The following KANSL3 variants were observed in gnomAD, a reference collection of about 807,000 sequenced individuals.
The protein encoded by KANSL3 is NSL complex protein NSL3.
In KANSL3, 16 loss-of-function variants were observed where a neutral mutation model predicts 89.2. That is an observed-to-expected ratio of 0.18 (90% CI 0.12 to 0.27). KANSL3 has a LOEUF of 0.27. KANSL3 is among the 10% of genes least tolerant of loss of function. KANSL3 has a pLI of 1.00. For missense variants in KANSL3, 879 were observed against 1,110.6 expected (o/e 0.79, Z 2.96); for synonymous variants, 385 against 419.7 (o/e 0.92, Z 1.01).
chr2:96,602,262 G>A lies in KANSL3; in HGVS notation c.2336C>T (p.Thr779Ile). The A allele has an allele frequency of 6.2e-7, 1 of 1,612,610 alleles. No homozygotes were observed. Among genetic ancestry groups the A allele is most frequent in the Non-Finnish European group, 8.5e-7 (1 of 1,179,454 alleles). ...ITTGTSTIVR[T>I]IPVATTLSSL... ...GGAGAGAGTGGTGGCCACAGGAATGGTACGGACAATGGTGCTGGTGCCCGT... is the reference window on the plus strand; with the variant it reads ...GGAGAGAGTGGTGGCCACAGGAATGATACGGACAATGGTGCTGGTGCCCGT... The change falls in exon 19 of 21, where the codon ACC becomes ATC. Residue 779 changes from threonine (T) to isoleucine (I), a missense_variant. Physicochemically the swap from Thr to Ile is moderately conservative, Grantham distance 89. Coordinates refer to ENST00000431828, the MANE Select transcript of KANSL3 (RefSeq NM_001115016.3).
the KANSL3 span, among the ~76,000 whole-genome samples, chr2:96,585,104 A>T: frequency 2.0e-5 from 3 of 152,346 alleles, no homozygotes; most frequent in East Asian, 5.8e-4. Flanking sequence ...CAAGAGCCCA[A>T]AAGCAAATGC....
rs764997673 is a variant in KANSL3, at chr2:96,608,923, G to A, written c.1525C>T (p.Arg509Trp). Reference sequence around the variant, plus strand: ...GCTGGGGAGGCAGGTCGACTGCCCCGCTCAGGGACTTCAAAGGCCAAGTCT... The same window carrying A: ...GCTGGGGAGGCAGGTCGACTGCCCCACTCAGGGACTTCAAAGGCCAAGTCT... The part of the protein sequence containing the change: ...RRDLAFEVPE[R>W]GSRPASPAAK... Residue 509 changes from arginine (R) to tryptophan (W), a missense_variant, in exon 13 of 21, where the codon CGG (arginine) becomes TGG (tryptophan). Arg to Trp is a moderately radical substitution (Grantham distance 101, BLOSUM62 -3). Coordinates refer to ENST00000431828, the MANE Select transcript of KANSL3 (RefSeq NM_001115016.3). 4.1e-5 allele frequency: 64 copies of A among 1,570,400 alleles called. No individual in the cohort carries two copies. The highest frequency in any genetic ancestry group is 9.4e-5 in the Admixed American group (5 of 53,028).
At chr2:96,628,011 G>T in intron 3 of KANSL3, 7 of 1,290,226 alleles carry the variant, frequency 5.4e-6, no homozygotes, top group Non-Finnish European at 7.1e-6. Flanking sequence ...CTGATAAATT[G>T]AGCTTTAATG....
At chr2:96,611,336 T>G (rs373376834) in intron 9 of KANSL3, among the ~76,000 whole-genome samples, 198 bp from the exon 10 acceptor site, 1 of 152,138 alleles carries the variant, frequency 6.6e-6, no homozygotes, top group African/African-American at 2.4e-5. Context: ...AAGCAGCCAC[T>G]ACCTAGAGAA....
chr2:96,617,957 T>C (rs1023037216), intron 5 of KANSL3, among the ~76,000 whole-genome samples: 1 of 142,476 alleles, frequency 7.0e-6, no homozygotes, highest in Admixed American at 7.3e-5. Context: ...CATTCCAGCC[T>C]GGGCGACAGA....
intron 3 of KANSL3, among the ~76,000 whole-genome samples, chr2:96,624,167 T>C (rs1462001051): frequency 6.6e-6 from 1 of 152,214 alleles, no homozygotes; most frequent in South Asian, 2.1e-4. Flanking sequence ...GAAGGTTTGT[T>C]GAGACCGGAA....
chr2:96,622,240 A>G (rs1048263207), intron 3 of KANSL3, among the ~76,000 whole-genome samples: 3 of 152,290 alleles, frequency 2.0e-5, no homozygotes, highest in Admixed American at 2.0e-4. Flanking sequence ...CTTGGGCAAC[A>G]AAGTGAGACC....
downstream of KANSL3, among the ~76,000 whole-genome samples, chr2:96,592,158 C>T (rs181208518): frequency 1.6e-3 from 249 of 152,080 alleles, no homozygotes; most frequent in Admixed American, 4.4e-3. Flanking sequence ...AGACAGCAAA[C>T]CAGATGTCTA....
At chr2:96,607,114 A>G (rs2068098541) in intron 14 of KANSL3, 19 of 1,045,562 alleles carry the variant, frequency 1.8e-5, no homozygotes, top group Non-Finnish European at 2.5e-5. Context: ...GAGAGGGAAT[A>G]AGAAAAAAGG....
intron 2 of KANSL3, among the ~76,000 whole-genome samples, chr2:96,631,711 A>G (rs748336495): frequency 6.6e-5 from 10 of 152,162 alleles, no homozygotes; most frequent in Non-Finnish European, 1.2e-4. Context: ...TCATTTTTTC[A>G]ATGAGTCTAT....
intron 3 of KANSL3, among the ~76,000 whole-genome samples, chr2:96,629,935 C>T (rs375007571): frequency 2.6e-5 from 4 of 152,122 alleles, no homozygotes; most frequent in Non-Finnish European, 2.9e-5. Context: ...AAAAAGCCAT[C>T]AACAAAATAT....
intron 20 of KANSL3, chr2:96,601,164 A>C (rs978347256): frequency 9.0e-6 from 3 of 332,934 alleles, no homozygotes; most frequent in African/African-American, 6.7e-5. Flanking sequence ...GTTACTTGGG[A>C]GGCTGAGGCA....
chr2:96,598,159 C>A (rs768093373), intron 20 of KANSL3: 5 of 985,278 alleles, frequency 5.1e-6, no homozygotes, highest in Non-Finnish European at 6.0e-6. Flanking sequence ...AACGAAGACA[C>A]CCTAAAAACA....
chr2:96,613,679 G>C, intron 5 of KANSL3, 60 bp from the exon 6 acceptor site: 2 of 1,533,018 alleles, frequency 1.3e-6, no homozygotes, highest in Non-Finnish European at 1.8e-6. Flanking sequence ...TCCACCACCA[G>C]CAATCAAGCA....
chr2:96,605,306 C>T lies in KANSL3; in HGVS notation c.1933+14G>A. ...AGAGCTCAGTTCTCATTTAACGTAC[C>T]AAGAGAAACTCACCTTCTGGAGCAC... On this transcript the variant is annotated intron_variant, in intron 15 of 20. Coordinates refer to ENST00000431828, the MANE Select transcript of KANSL3 (RefSeq NM_001115016.3). 6.2e-7 allele frequency: 1 copy of T among 1,601,386 alleles called. No individual in the cohort carries two copies. The highest frequency in any genetic ancestry group is 8.5e-7 in the Non-Finnish European group (1 of 1,172,106).
At chr2:96,599,760 T>C in intron 20 of KANSL3, 1 of 394,402 alleles carries the variant, frequency 2.5e-6, no homozygotes, top group Non-Finnish European at 3.4e-6. Flanking sequence ...ATAAAAGACA[T>C]AAAACTTCTT....
At chr2:96,621,079 T>C (rs1158604816) in intron 3 of KANSL3, among the ~76,000 whole-genome samples, 1 of 152,130 alleles carries the variant, frequency 6.6e-6, no homozygotes, top group Non-Finnish European at 1.5e-5. Flanking sequence ...CAAGGTAGCA[T>C]TTCAAATCAG....
chr2:96,591,345 G>A (rs1277204386), downstream of KANSL3, among the ~76,000 whole-genome samples: 3 of 152,172 alleles, frequency 2.0e-5, no homozygotes, highest in Non-Finnish European at 2.9e-5. Context: ...GGAAGGAGAT[G>A]GATGCAACTA....
At chr2:96,626,078 T>C (rs752354108) in intron 3 of KANSL3, among the ~76,000 whole-genome samples, 3 of 152,214 alleles carry the variant, frequency 2.0e-5, no homozygotes, top group Non-Finnish European at 1.5e-5. Flanking sequence ...CTGAATGATA[T>C]GCTGACCTCT....
Sources: allele counts gnomAD v4.1 joint callset (sites outside exome capture counted in the v4.1 genomes callset), GRCh38; gene constraint gnomAD v4.1.1; transcripts MANE v1.5; gene names NCBI Gene and HGNC (gene_info 2026-07-23, HGNC 2026-07-21).